Variants in ACADM observed in about 807,000 individuals in gnomAD.
ACADM encodes acyl-CoA dehydrogenase medium chain.
ACADM carries 49 observed loss-of-function variants against 58.9 expected under a neutral mutation model. That is an observed-to-expected ratio of 0.83 (90% CI 0.66 to 1.06). The LOEUF is 1.06. Among genes scored for constraint, ACADM ranks in the 50% least tolerant of loss-of-function variants. ACADM has a pLI of 0.00. For synonymous variants in ACADM, 160 were observed against 157.7 expected, an observed-to-expected ratio of 1.01 and a Z score of -0.11; for missense variants, 496 against 507.0, an observed-to-expected ratio of 0.98 and a Z score of 0.21.
chr1:75,724,815 A>G lies in ACADM; in HGVS notation c.28A>G (p.Arg10Gly), dbSNP rs749318140. The G allele has an allele frequency of 1.3e-6, 2 of 1,498,862 alleles. No individual in the cohort carries two copies. Among genetic ancestry groups the G allele is most frequent in the South Asian group, 1.3e-5 (1 of 76,026 alleles). 92.8% of individuals were successfully genotyped at this position (1,498,862 alleles called of 1,614,324 possible). A position where few individuals can be genotyped will look rare whatever the true frequency, so the allele number is the denominator to read the frequency against. Residue 10 changes from arginine to glycine, a missense_variant and splice_region_variant, in exon 1 of 12, where the codon AGG (arginine) becomes GGG (glycine). Arg to Gly is a moderately radical substitution (Grantham distance 125, BLOSUM62 -2). Transcript: ENST00000370841. ...GGCAGCGGGGTTCGGGCGATGCTGC[A>G]GGGTGAGAGGGAGCCCAGCGGTGCG... is the stretch of plus-strand genomic sequence containing the variant. MAAGFGRCC[R>G]VLRSISRFHW... is the part of the protein sequence containing the mutation.
At chr1:75,727,011 G>A (rs1397544108) in intron 1 of ACADM, among the ~76,000 whole-genome samples, 2 of 151,834 alleles carry the variant, frequency 1.3e-5, no homozygotes, top group African/African-American at 4.8e-5. Flanking sequence ...CACCATGTTG[G>A]TCAGGCTGGT....
At chr1:75,725,817 C>G (rs932720245) in intron 1 of ACADM, among the ~76,000 whole-genome samples, 3 of 152,168 alleles carry the variant, frequency 2.0e-5, no homozygotes, top group African/African-American at 7.2e-5. Flanking sequence ...CGAAAATACG[C>G]AGTGAGATTA....
intron 11 of ACADM, 182 bp downstream of exon 11, chr1:75,761,552 T>A (rs1398170258): frequency 1.5e-6 from 1 of 687,748 alleles, no homozygotes; most frequent in East Asian, 2.7e-5. Context: ...TGATTAAGTA[T>A]AAGTCTGAAG....
At chr1:75,735,085 G>A (rs558349124) in intron 6 of ACADM, among the ~76,000 whole-genome samples, 1 of 151,680 alleles carries the variant, frequency 6.6e-6, no homozygotes, top group Admixed American at 6.6e-5. Context: ...TTTGGGAGGC[G>A]GAGGCGGGCA....
chr1:75,731,278 CAAAAAAAAA>C (rs56885972), intron 2 of ACADM, among the ~76,000 whole-genome samples: 736 of 65,000 alleles, frequency 0.011, 8 homozygotes, highest in African/African-American at 0.038. Context: ...GACTCCGTCT[CAAAAAAAAA>C]AAAAAAAAAA....
At chr1:75,758,325 C>T (rs2185152) in intron 10 of ACADM, among the ~76,000 whole-genome samples, 36,879 of 152,064 alleles carry the variant, frequency 0.24, 4,873 homozygotes, top group Non-Finnish European at 0.31. Flanking sequence ...CCCACCTTGG[C>T]GTCCCAAAGT....
At chr1:75,732,333 CTAA>C (rs1168392616) in intron 2 of ACADM, among the ~76,000 whole-genome samples, 3 of 152,104 alleles carry the variant, frequency 2.0e-5, no homozygotes, top group Non-Finnish European at 2.9e-5. Flanking sequence ...GGCTTAGGAA[CTAA>C]TAATAAGTTA....
At chr1:75,739,850 G>A (rs1647465672) in intron 6 of ACADM, 130 bp from the exon 7 acceptor site, 11 of 670,504 alleles carry the variant, frequency 1.6e-5, no homozygotes, top group Non-Finnish European at 2.5e-5. Context: ...GATTTTGTAA[G>A]AACATTTTAA....
intron 6 of ACADM, among the ~76,000 whole-genome samples, chr1:75,738,304 A>G (rs1570873531): frequency 6.6e-6 from 1 of 151,048 alleles, no homozygotes; most frequent in Non-Finnish European, 1.5e-5. Flanking sequence ...GCTCACTGCA[A>G]CCTCCACCTC....
chr1:75,743,724 T>C (rs1647719650), intron 7 of ACADM: 4 of 1,519,072 alleles, frequency 2.6e-6, no homozygotes, highest in Admixed American at 1.7e-5. Context: ...GGGCCTTCTC[T>C]CCCAGTTCAG....
At chr1:75,728,530 A>G (rs1647091667) in intron 2 of ACADM, 42 bp downstream of exon 2, 1 of 1,321,648 alleles carries the variant, frequency 7.6e-7, no homozygotes, top group South Asian at 1.2e-5. Flanking sequence ...ACTTATACAT[A>G]TGAAGCTTTA....
In ACADM at chr1:75,739,968, T is replaced by C; in HGVS notation, c.469-12T>C. The C allele has an allele frequency of 6.3e-7, 1 of 1,586,564 alleles. No homozygotes were observed. The highest frequency in any genetic ancestry group is 1.3e-5 in the African/African-American group (1 of 74,080). Reference sequence around the variant, plus strand: ...CATTTAATTTCATTTCTCTTGTTTTTATATATTCAAGGCTTATTGTGTAAC... The same window carrying C: ...CATTTAATTTCATTTCTCTTGTTTTCATATATTCAAGGCTTATTGTGTAAC... On this transcript the variant is annotated splice_polypyrimidine_tract_variant and intron_variant, in intron 6 of 11. Coordinates refer to ENST00000370841, the MANE Select transcript of ACADM (RefSeq NM_000016.6).
At chr1:75,746,845 C>T (rs1647931820) in intron 8 of ACADM, among the ~76,000 whole-genome samples, 1 of 152,108 alleles carries the variant, frequency 6.6e-6, no homozygotes, top group South Asian at 2.1e-4. Flanking sequence ...GCAATCCTCC[C>T]ACCTTGGCCC....
chr1:75,758,696 C>A (rs1019318587), intron 10 of ACADM, among the ~76,000 whole-genome samples: 1 of 152,184 alleles, frequency 6.6e-6, no homozygotes, highest in Non-Finnish European at 1.5e-5. Flanking sequence ...AGTGCTGTGT[C>A]TAGCTAAAGG....
chr1:75,759,476 A>AT (rs2100446765), intron 10 of ACADM, among the ~76,000 whole-genome samples: 1 of 152,178 alleles, frequency 6.6e-6, no homozygotes, highest in East Asian at 1.9e-4. Context: ...ATCCTATAAC[A>AT]TATCTTGGCC....
chr1:75,734,869 T>G lies in ACADM; in HGVS notation c.466T>G (p.Cys156Gly). 6.2e-7 allele frequency: 1 copy of G among 1,609,520 alleles called. No homozygotes were observed. The highest frequency in any genetic ancestry group is 8.5e-7 in the Non-Finnish European group (1 of 1,175,984). ...LGRMTEEPLM[C>G]AYCVTEPGAG... is the part of the protein sequence containing the mutation. Reference sequence around the variant, plus strand: ...GAGAATGACTGAGGAGCCATTGATGTGTGTGAGTATGTGTAACTGCCGCTT... The same window carrying G: ...GAGAATGACTGAGGAGCCATTGATGGGTGTGAGTATGTGTAACTGCCGCTT... Residue 156 changes from cysteine to glycine, a missense_variant and splice_region_variant, in exon 6 of 12, where the codon TGT becomes GGT. Cys to Gly is a radical substitution (Grantham distance 159). Coordinates refer to ENST00000370841, the MANE Select transcript of ACADM (RefSeq NM_000016.6).
intron 8 of ACADM, among the ~76,000 whole-genome samples, chr1:75,746,864 G>C (rs1437857806): frequency 6.6e-6 from 1 of 152,144 alleles, no homozygotes; most frequent in Non-Finnish European, 1.5e-5. Context: ...CCCCTAAAGT[G>C]CTGGGATTAC....
chr1:75,733,788 T>A (rs1001762857), intron 5 of ACADM, among the ~76,000 whole-genome samples, 160 bp downstream of exon 5: 1 of 152,212 alleles, frequency 6.6e-6, no homozygotes, highest in African/African-American at 2.4e-5. Flanking sequence ...AACACAAGAT[T>A]CAGCAGTGAA....
In ACADM at chr1:75,749,536, G is replaced by T; in HGVS notation, c.826G>T (p.Ala276Ser). ...DGAGFKVAMG[A>S]FDKTRPVVAA... ...AGCTGGTTTCAAAGTTGCAATGGGA[G>T]CTTTTGATAAAACCAGACCTGTAGT... Residue 276 changes from alanine to serine, a missense_variant, in exon 9 of 12, where the codon GCT becomes TCT. Physicochemically the swap from Ala to Ser is moderately conservative, Grantham distance 99 (BLOSUM62 1). Coordinates refer to ENST00000370841, the MANE Select transcript of ACADM (RefSeq NM_000016.6). 6.2e-7 allele frequency: 1 copy of T among 1,613,954 alleles called. No individual in the cohort carries two copies. Among genetic ancestry groups the T allele is most frequent in the Non-Finnish European group, 8.5e-7 (1 of 1,179,938 alleles).
Sources: allele counts gnomAD v4.1 joint callset (sites outside exome capture counted in the v4.1 genomes callset), GRCh38; gene constraint gnomAD v4.1.1; transcripts MANE v1.5; gene names NCBI Gene and HGNC (gene_info 2026-07-23, HGNC 2026-07-21).